The following NRXN1 variants were observed in gnomAD, a reference collection of about 807,000 sequenced individuals.
NRXN1 encodes the protein neurexin 1, also known as neurexin-1.
NRXN1 carries 39 observed loss-of-function variants against 150.9 expected under a neutral mutation model. The observed-to-expected ratio is 0.26, with a 90% CI of 0.20 to 0.34. The LOEUF (loss-of-function observed/expected upper bound fraction) is 0.34. NRXN1 is among the 10% of genes least tolerant of loss of function. The pLI is 1.00. For synonymous variants in NRXN1, 924 were observed against 757.0 expected, an observed-to-expected ratio of 1.22 and a Z score of -3.62; for missense variants, 1,815 against 1,949.9, an observed-to-expected ratio of 0.93 and a Z score of 1.30.
At chr2:50,693,032 T>C (rs1692291617) in intron 5 of NRXN1, among the ~76,000 whole-genome samples, 2 of 152,126 alleles carry the variant, frequency 1.3e-5, no homozygotes, top group East Asian at 3.9e-4. Context: ...ACTAGAAAAA[T>C]ACCTACTGGA....
At chr2:49,980,109 A>G (rs1002533285) in intron 21 of NRXN1, among the ~76,000 whole-genome samples, 13 of 151,678 alleles carry the variant, frequency 8.6e-5, no homozygotes, top group Admixed American at 2.6e-4. Context: ...TAAATAACAT[A>G]TATATCCATG....
chr2:50,724,923 CAAAA>C (rs961060547), intron 5 of NRXN1, among the ~76,000 whole-genome samples: 2 of 150,924 alleles, frequency 1.3e-5, no homozygotes, highest in East Asian at 1.9e-4. Context: ...AACAAATAAA[CAAAA>C]AAACTGTTGA....
At chr2:50,057,762 G>T (rs1693870978) in intron 19 of NRXN1, among the ~76,000 whole-genome samples, 2 of 152,118 alleles carry the variant, frequency 1.3e-5, no homozygotes, top group African/African-American at 4.8e-5. Context: ...GAAAAAGAAA[G>T]CAAATACTAG....
chr2:50,511,144 T>A (rs1191338080), intron 12 of NRXN1, among the ~76,000 whole-genome samples: 1 of 152,002 alleles, frequency 6.6e-6, no homozygotes, highest in South Asian at 2.1e-4. Flanking sequence ...CACTGCAACC[T>A]CTGCCTCCCA....
intron 21 of NRXN1, among the ~76,000 whole-genome samples, chr2:50,052,522 T>G (rs1281333087): frequency 6.6e-6 from 1 of 152,224 alleles, no homozygotes; most frequent in East Asian, 1.9e-4. Context: ...AACCAGTGCC[T>G]GAAATGTAGT....
At position 50,219,935 on chromosome 2, in the gene NRXN1, ATTATATAT is replaced by A. The variant is rs1559115110; in HGVS notation, c.3546+16846_3546+16853del. Among the ~76,000 whole-genome samples, 74 of 30,592 alleles carry A rather than the reference ATTATATAT, an allele frequency of 2.4e-3. 1 individual carries two copies. Among genetic ancestry groups the A allele is most frequent in the African/African-American group, 3.9e-3 (15 of 3,858 alleles). 20.1% of individuals were successfully genotyped at this position (30,592 alleles called of 152,430 possible). On this transcript the variant is annotated intron_variant, in intron 18 of 22. Coordinates refer to ENST00000401669, the MANE Select transcript of NRXN1 (RefSeq NM_001330078.2). ...TAAAATCTCTCTCTATATTATATATATTATATATTATATATATAATATATATATTATAT... is the reference window on the plus strand; with the variant it reads ...TAAAATCTCTCTCTATATTATATATATATATATATAATATATATATTATAT...
At chr2:51,025,631 C>A (rs1359619545) in intron 2 of NRXN1, among the ~76,000 whole-genome samples, 1 of 152,052 alleles carries the variant, frequency 6.6e-6, no homozygotes, top group Admixed American at 6.6e-5. Flanking sequence ...GACAATTTTC[C>A]CATAAAATAA....
At chr2:50,967,208 A>G (rs554526222) in intron 2 of NRXN1, among the ~76,000 whole-genome samples, 8 of 152,084 alleles carry the variant, frequency 5.3e-5, no homozygotes, top group African/African-American at 1.9e-4. Context: ...TGATAACTGA[A>G]TGGAGACATA....
intron 17 of NRXN1, among the ~76,000 whole-genome samples, chr2:50,334,919 A>G (rs1363447692): frequency 1.3e-5 from 2 of 152,156 alleles, no homozygotes; most frequent in African/African-American, 2.4e-5. Context: ...CTTTGACTGA[A>G]CTACTCTGAT....
chr2:50,510,233 A>G (rs2092398078), intron 12 of NRXN1, among the ~76,000 whole-genome samples: 1 of 152,122 alleles, frequency 6.6e-6, no homozygotes, highest in African/African-American at 2.4e-5. Flanking sequence ...CTCGTCTGTA[A>G]TCCCAGCATT....
chr2:50,255,079 A>T (rs1409038390), intron 17 of NRXN1, among the ~76,000 whole-genome samples: 1 of 152,178 alleles, frequency 6.6e-6, no homozygotes, highest in Non-Finnish European at 1.5e-5. Context: ...AAGTGCTGGT[A>T]TTACAGGTAT....
chr2:50,808,090 T>G (rs1186980384), intron 5 of NRXN1, among the ~76,000 whole-genome samples: 1 of 152,104 alleles, frequency 6.6e-6, no homozygotes, highest in Non-Finnish European at 1.5e-5. Context: ...ATGTAGGCAC[T>G]TTTATAACTA....
intron 19 of NRXN1, among the ~76,000 whole-genome samples, chr2:50,063,220 A>T (rs536707747): frequency 4.6e-5 from 7 of 152,324 alleles, no homozygotes; most frequent in African/African-American, 1.7e-4. Context: ...CACTTGGCTG[A>T]TAATGTTCCA....
At chr2:50,763,600 T>C (rs1574394323) in intron 5 of NRXN1, among the ~76,000 whole-genome samples, 1 of 152,014 alleles carries the variant, frequency 6.6e-6, no homozygotes, top group Admixed American at 6.6e-5. Context: ...GGAACCAAAT[T>C]TCCACTTCTG....
chr2:50,952,024 T>C (rs1353758448), intron 2 of NRXN1, among the ~76,000 whole-genome samples: 2 of 139,798 alleles, frequency 1.4e-5, no homozygotes, highest in African/African-American at 5.3e-5. Flanking sequence ...TGGAGTGCAG[T>C]GGCGGGATCT....
chr2:50,371,711 A>G (rs1244128762), intron 17 of NRXN1, among the ~76,000 whole-genome samples: 3 of 151,966 alleles, frequency 2.0e-5, no homozygotes, highest in Admixed American at 2.0e-4. Flanking sequence ...GTGGATCCAC[A>G]ATTTTATCAG....
intron 13 of NRXN1, among the ~76,000 whole-genome samples, chr2:50,504,525 C>A (rs1464978122): frequency 6.6e-6 from 1 of 152,060 alleles, no homozygotes; most frequent in Non-Finnish European, 1.5e-5. Flanking sequence ...ATTTTTGGAA[C>A]TTTTTATAAA....
intron 5 of NRXN1, among the ~76,000 whole-genome samples, chr2:50,747,963 C>G (rs920786330): frequency 6.6e-6 from 1 of 152,112 alleles, no homozygotes; most frequent in Non-Finnish European, 1.5e-5. Context: ...TGGCTAAACA[C>G]CTCTACCTCT....
intron 9 of NRXN1, among the ~76,000 whole-genome samples, chr2:50,551,038 GGAAGAGGAAGAGGAA>G (rs1300386417): frequency 1.2e-5 from 1 of 85,526 alleles, no homozygotes; most frequent in African/African-American, 6.5e-5. Context: ...AAGAGGAAGA[GGAAGAGGAAGAGGAA>G]GAAGAAGAAG....
Sources: allele counts gnomAD v4.1 joint callset (sites outside exome capture counted in the v4.1 genomes callset), GRCh38; gene constraint gnomAD v4.1.1; transcripts MANE v1.5; gene names NCBI Gene and HGNC (gene_info 2026-07-23, HGNC 2026-07-21).